The following IPP variants were observed in gnomAD, a reference collection of about 807,000 sequenced individuals.
IPP encodes intracisternal A particle-promoted polypeptide, also known as actin-binding protein IPP.
Under a neutral mutation model 64.1 loss-of-function variants are expected in IPP, and 41 were observed. The ratio of observed to expected loss-of-function variants is 0.64; its 90% confidence interval spans 0.50 to 0.83. IPP has a LOEUF of 0.83. Ranked by LOEUF, IPP falls within the 40% of genes least tolerant of loss-of-function variation. IPP has a pLI of 0.00. For missense variants in IPP, 649 were observed against 703.0 expected (o/e 0.92, Z 0.87); for synonymous variants, 214 against 235.2 (o/e 0.91, Z 0.83).
At position 45,699,398 on chromosome 1, in the gene IPP, CTA is replaced by C; in HGVS notation, c.*566_*567del. On this transcript the variant is annotated 3_prime_UTR_variant, in exon 9 of 9. Transcript: ENST00000396478. ...AGGTCTTTAAACTGTGTCATTGACACTATTCCTATATCACATAAAGTTTTATG... is the reference window on the plus strand; with the variant it reads ...AGGTCTTTAAACTGTGTCATTGACACTTCCTATATCACATAAAGTTTTATG... 1 of 985,274 alleles carries C rather than the reference CTA, an allele frequency of 1.0e-6. No homozygotes were observed. The highest frequency in any genetic ancestry group is 1.2e-6 in the Non-Finnish European group (1 of 829,730). 61.0% of individuals were successfully genotyped at this position (985,274 alleles called of 1,614,324 possible). A position where few individuals can be genotyped will look rare whatever the true frequency, so the allele number is the denominator to read the frequency against.
At chr1:45,742,342 AC>A (rs1461402563) in intron 2 of IPP, among the ~76,000 whole-genome samples, 1 of 152,146 alleles carries the variant, frequency 6.6e-6, no homozygotes, top group African/African-American at 2.4e-5. Context: ...CATGGAACAA[AC>A]CCGCATATGT....
At chr1:45,730,054 T>G (rs1645885045) in intron 3 of IPP, among the ~76,000 whole-genome samples, 1 of 152,158 alleles carries the variant, frequency 6.6e-6, no homozygotes, top group Non-Finnish European at 1.5e-5. Flanking sequence ...CCCCCATGCA[T>G]AAGAATTTCC....
At position 45,719,327 on chromosome 1, in the gene IPP, T is replaced by C; in HGVS notation, c.1062A>G (p.Ser354=). The C allele has an allele frequency of 6.3e-7, 1 of 1,595,448 alleles. No individual in the cohort carries two copies. The highest frequency in any genetic ancestry group is 8.5e-7 in the Non-Finnish European group (1 of 1,171,486). The part of the protein sequence containing the change: ...MVYAIGGEKD[S]MIFDCTECYD... ...AGCATTCAGTACAATCAAAAATCAT[T>C]GAATCCTTTTCACCTGAGTTAAATA... is the stretch of plus-strand genomic sequence containing the variant. Residue 354 remains serine (S), a synonymous_variant, in exon 6 of 9, where the codon TCA becomes TCG. Transcript: ENST00000396478.
chr1:45,724,875 C>T (rs1242296646), intron 5 of IPP, among the ~76,000 whole-genome samples: 7 of 149,736 alleles, frequency 4.7e-5, no homozygotes, highest in African/African-American at 1.5e-4. Context: ...GCCACCCCGT[C>T]GGGGAGGGAG....
chr1:45,729,611 C>T lies in IPP; in HGVS notation c.880+3G>A, dbSNP rs761584899. The T allele has an allele frequency of 3.1e-6, 5 of 1,605,998 alleles. No homozygotes were observed. The South Asian group carries it at 5.6e-5, about 18-fold the overall frequency. On this transcript the variant is annotated splice_donor_region_variant and intron_variant, in intron 4 of 8. Transcript: ENST00000396478. ...TCTATTACTTTTTTAAGGGCTCTCT[C>T]ACCTACTGCATACAGGTACTTTCTT...
chr1:45,746,306 A>T lies in IPP; in HGVS notation c.106T>A (p.Phe36Ile), dbSNP rs1646132725. The T allele has an allele frequency of 1.2e-6, 2 of 1,614,132 alleles. No homozygotes were observed. Among genetic ancestry groups the T allele is most frequent in the South Asian group, 2.2e-5 (2 of 91,084 alleles). The change falls in exon 2 of 9, where the codon TTC becomes ATC. Residue 36 changes from phenylalanine (F) to isoleucine (I), a missense_variant. Physicochemically the swap from Phe to Ile is conservative, Grantham distance 21 (BLOSUM62 0). Coordinates refer to ENST00000396478, the MANE Select transcript of IPP (RefSeq NM_005897.3). ...CCAACTTGCAGCTGCACATCACAGA[A>T]ATGCTGTCCATTTCTCATCTTATTG... ...QINKMRNGQH[F>I]CDVQLQVGQE...
intron 8 of IPP, among the ~76,000 whole-genome samples, chr1:45,713,335 C>T (rs192754649): frequency 3.3e-5 from 5 of 151,958 alleles, no homozygotes; most frequent in African/African-American, 9.6e-5. Context: ...CTGAGGCGGG[C>T]GGATCACCTG....
intron 4 of IPP, 109 bp downstream of exon 4, chr1:45,729,505 T>A (rs1408972864): frequency 1.4e-5 from 11 of 811,528 alleles, no homozygotes; most frequent in Non-Finnish European, 1.6e-5. Flanking sequence ...ATATGCCTCT[T>A]CAACACACCC....
chr1:45,716,376 T>C (rs28564319), intron 7 of IPP, among the ~76,000 whole-genome samples: 108,742 of 152,054 alleles, frequency 0.72, 39,030 homozygotes, highest in African/African-American at 0.76. Context: ...TCCCTAGTAG[T>C]TGGGATTACA....
In IPP at chr1:45,714,103, A is replaced by G. The variant is rs186262832; in HGVS notation, c.1530+143T>C. ...ACAATAGAAGAAAAGCAGTGACACC[A>G]AAAGTTTCTTCTTTGGAAAGAAAAA... On this transcript the variant is annotated intron_variant, in intron 8 of 8. Transcript: ENST00000396478. 2.9e-4 allele frequency: 166 copies of G among 576,222 alleles called. 1 individual carries two copies. The highest frequency in any genetic ancestry group is 6.4e-5 in the Non-Finnish European group (21 of 329,842). The allele number at this position is 576,222 out of a possible 1,614,324, so 35.7% of individuals were successfully genotyped here.
chr1:45,728,126 CTGTGTGTGTG>C (rs371114917), intron 4 of IPP, among the ~76,000 whole-genome samples: 222 of 132,270 alleles, frequency 1.7e-3, no homozygotes, highest in African/African-American at 1.8e-3. Context: ...GAGTTGAAAG[CTGTGTGTGTG>C]TGTGTGTGTG....
At chr1:45,708,723 C>A (rs1284842374) in intron 8 of IPP, among the ~76,000 whole-genome samples, 7 of 142,628 alleles carry the variant, frequency 4.9e-5, no homozygotes, top group Admixed American at 4.2e-4. Context: ...CTATACCCAG[C>A]AAACTATCTT....
At chr1:45,698,292 C>CA (rs200028023), downstream of IPP, among the ~76,000 whole-genome samples, 7 of 152,156 alleles carry the variant, frequency 4.6e-5, no homozygotes, top group Non-Finnish European at 7.4e-5. Context: ...AATTCCATCT[C>CA]AAAAAAAAAT....
intron 8 of IPP, 120 bp from the exon 9 acceptor site, chr1:45,700,310 A>G: frequency 7.4e-7 from 1 of 1,346,262 alleles, no homozygotes; most frequent in South Asian, 1.5e-5. Flanking sequence ...CTATCTAGTC[A>G]GGTAAGCATA....
chr1:45,731,936 C>CG (rs1442810807), intron 3 of IPP, among the ~76,000 whole-genome samples: 1 of 149,594 alleles, frequency 6.7e-6, no homozygotes, highest in African/African-American at 2.5e-5. Context: ...CACTCCGTCT[C>CG]GGGGGAAAAA....
Position 45,727,789 on chromosome 1 carries a change from G to T in IPP, c.890C>A (p.Thr297Asn), listed in dbSNP as rs1295992349. The T allele has an allele frequency of 1.9e-6, 3 of 1,543,924 alleles. No individual in the cohort carries two copies. The highest frequency in any genetic ancestry group is 2.7e-6 in the Non-Finnish European group (3 of 1,131,784). The change falls in exon 5 of 9, where the codon ACT (threonine) becomes AAT (asparagine). Residue 297 changes from threonine to asparagine, a missense_variant. Transcript: ENST00000396478. ...ACTCCAGCGACCCCCCTGCAACCGA[G>T]TATATCCACCTAAACAAAAGAAGAA... is the stretch of plus-strand genomic sequence containing the variant. Reference protein sequence around the residue: ...RKYLYAVGGYTRLQGGRWSDS... With the variant: ...RKYLYAVGGYNRLQGGRWSDS...
At chr1:45,697,008 A>G (rs1045878943), downstream of IPP, 1 of 152,360 alleles carries the variant, frequency 6.6e-6, no homozygotes, top group South Asian at 2.1e-4. Flanking sequence ...GTTTTGAATC[A>G]GAATACAGAT....
rs1026428711 is a variant in IPP, at chr1:45,699,812, G to C, written c.*154C>G. On this transcript the variant is annotated 3_prime_UTR_variant, in exon 9 of 9. Transcript: ENST00000396478. ...CAAAGTGCTGGGATTATAGGCATGA[G>C]GCCACTGCGCCCAGCCTCGTTAGTC... 6.2e-6 allele frequency: 9 copies of C among 1,440,280 alleles called. No homozygotes were observed. The highest frequency in any genetic ancestry group is 8.2e-6 in the Non-Finnish European group (9 of 1,101,212). The allele number at this position is 1,440,280 out of a possible 1,614,324, so 89.2% of individuals were successfully genotyped here.
At chr1:45,706,852 A>G (rs531680890) in intron 8 of IPP, among the ~76,000 whole-genome samples, 1 of 152,364 alleles carries the variant, frequency 6.6e-6, no homozygotes, top group South Asian at 2.1e-4. Context: ...ACAAAATCCA[A>G]ATACTCAGCA....
Sources: gnomAD v4.1 joint callset for allele counts (sites outside exome capture counted in the v4.1 genomes callset) on GRCh38, gnomAD v4.1.1 for gene constraint, MANE v1.5 for transcripts, NCBI Gene and HGNC (gene_info 2026-07-23, HGNC 2026-07-21) for gene names.